LRRFIP2: variants seen among roughly 807,000 people sequenced by gnomAD.
The protein encoded by LRRFIP2 is LRR binding FLII interacting protein 2.
A neutral mutation model predicts 125.9 loss-of-function variants in LRRFIP2; 109 were observed. That is an observed-to-expected ratio of 0.87 (90% CI 0.74 to 1.01). The LOEUF (loss-of-function observed/expected upper bound fraction) is 1.01. LRRFIP2 is among the 50% of genes least tolerant of loss of function. LRRFIP2 has a pLI of 0.00. For synonymous variants in LRRFIP2, 291 were observed against 293.1 expected (o/e 0.99, Z 0.07); for missense variants, 850 against 862.3 (o/e 0.99, Z 0.18).
intron 19 of LRRFIP2, among the ~76,000 whole-genome samples, chr3:37,078,528 A>T (rs1559738402): frequency 6.6e-6 from 1 of 152,220 alleles, no homozygotes; most frequent in Non-Finnish European, 1.5e-5. Flanking sequence ...ATACAGATGT[A>T]AGACAGAAGA....
At chr3:37,132,868 T>C (rs966543569) in intron 2 of LRRFIP2, among the ~76,000 whole-genome samples, 4 of 152,228 alleles carry the variant, frequency 2.6e-5, no homozygotes, top group Non-Finnish European at 5.9e-5. Context: ...CATTTTAATA[T>C]ACACCTCATA....
intron 2 of LRRFIP2, among the ~76,000 whole-genome samples, chr3:37,145,049 T>C (rs2095822233): frequency 6.6e-6 from 1 of 152,218 alleles, no homozygotes; most frequent in Admixed American, 6.5e-5. Context: ...TGCCATGGTT[T>C]CCAAATTAAC....
At chr3:37,099,472 A>C (rs1021055476) in intron 15 of LRRFIP2, among the ~76,000 whole-genome samples, 4 of 152,196 alleles carry the variant, frequency 2.6e-5, no homozygotes, top group Non-Finnish European at 5.9e-5. Flanking sequence ...TAGTTTCTTC[A>C]ATGCAGTCAT....
rs115815695 is a variant in LRRFIP2, at chr3:37,058,694, A to G, written c.1870+96T>C. 9.6e-4 allele frequency: 1,250 copies of G among 1,308,716 alleles called. 8 individuals carry two copies. The African/African-American group carries it at 0.016, about 17-fold the overall frequency. 81.1% of individuals were successfully genotyped at this position (1,308,716 alleles called of 1,614,324 possible). A position where few individuals can be genotyped will look rare whatever the true frequency, so the allele number is the denominator to read the frequency against. ...CCATCTCAAAAAAAAAAAAAAAAGA[A>G]AAGTGTATTACAAGATACCAGCAAC... is the stretch of plus-strand genomic sequence containing the variant. On this transcript the variant is annotated intron_variant, in intron 25 of 27. Coordinates refer to ENST00000336686, the MANE Select transcript of LRRFIP2 (RefSeq NM_006309.4).
chr3:37,054,592 A>G, intron 26 of LRRFIP2, 77 bp from the exon 27 acceptor site: 3 of 937,144 alleles, frequency 3.2e-6, no homozygotes, highest in Non-Finnish European at 5.1e-6. Flanking sequence ...ATGGAAATAC[A>G]ATGTCATTAT....
chr3:37,101,051 T>C (rs180833145), intron 15 of LRRFIP2, among the ~76,000 whole-genome samples: 23 of 152,304 alleles, frequency 1.5e-4, no homozygotes, highest in Admixed American at 1.4e-3. Context: ...AAAACTACTG[T>C]CTAACGTTTC....
At chr3:37,062,484 G>A (rs1267470681) in intron 24 of LRRFIP2, among the ~76,000 whole-genome samples, 1 of 152,104 alleles carries the variant, frequency 6.6e-6, no homozygotes, top group Admixed American at 6.5e-5. Flanking sequence ...ATTGACAGGG[G>A]CCCAGCATCA....
intron 2 of LRRFIP2, among the ~76,000 whole-genome samples, chr3:37,132,317 C>G (rs1161632304): frequency 6.6e-6 from 1 of 152,152 alleles, no homozygotes; most frequent in East Asian, 1.9e-4. Flanking sequence ...AAATTTAATT[C>G]AAGAATGCTA....
intron 2 of LRRFIP2, chr3:37,134,728 G>T (rs1329634186): frequency 2.6e-6 from 2 of 782,078 alleles, no homozygotes; most frequent in Non-Finnish European, 4.5e-6. Flanking sequence ...TGTTCTGCAG[G>T]TCCAGTTGAG....
chr3:37,101,973 T>C (rs1454423971), intron 15 of LRRFIP2, among the ~76,000 whole-genome samples: 1 of 152,198 alleles, frequency 6.6e-6, no homozygotes, highest in East Asian at 1.9e-4. Context: ...TTCAGAACAA[T>C]GCCATAATCC....
chr3:37,156,274 GTT>G (rs2096188476), intron 1 of LRRFIP2, among the ~76,000 whole-genome samples: 1 of 152,082 alleles, frequency 6.6e-6, no homozygotes, highest in Non-Finnish European at 1.5e-5. Flanking sequence ...GAGCCCAGGA[GTT>G]TGAGACCAGC....
chr3:37,094,411 A>C (rs2093622222), intron 17 of LRRFIP2, among the ~76,000 whole-genome samples: 1 of 152,216 alleles, frequency 6.6e-6, no homozygotes, highest in South Asian at 2.1e-4. Context: ...AAGCAGCTGA[A>C]TACCATCAAG....
At chr3:37,145,789 A>G (rs1272032868) in intron 2 of LRRFIP2, among the ~76,000 whole-genome samples, 1 of 152,224 alleles carries the variant, frequency 6.6e-6, no homozygotes, top group East Asian at 1.9e-4. Context: ...AATCTGGCAT[A>G]GTAAGAGGTT....
At chr3:37,132,277 A>G (rs1474259003) in intron 2 of LRRFIP2, among the ~76,000 whole-genome samples, 8 of 123,534 alleles carry the variant, frequency 6.5e-5, no homozygotes, top group African/African-American at 2.3e-4. Context: ...ATTTACATGT[A>G]TATTAAATTG....
At chr3:37,164,434 A>G (rs1364819005) in intron 1 of LRRFIP2, among the ~76,000 whole-genome samples, 5 of 152,198 alleles carry the variant, frequency 3.3e-5, no homozygotes, top group Non-Finnish European at 5.9e-5. Flanking sequence ...ATTGGTTAAT[A>G]TGGCAGGGCA....
At chr3:37,115,146 T>C (rs1264094160) in intron 6 of LRRFIP2, 51 bp from the exon 7 acceptor site, 3 of 1,302,986 alleles carry the variant, frequency 2.3e-6, no homozygotes, top group Non-Finnish European at 3.3e-6. Context: ...TTCAGAAATA[T>C]AAAGAAGAGA....
chr3:37,107,266 C>T (rs1439986182), intron 13 of LRRFIP2, among the ~76,000 whole-genome samples: 3 of 151,968 alleles, frequency 2.0e-5, no homozygotes, highest in Non-Finnish European at 4.4e-5. Context: ...AAAGAATGTG[C>T]TAATATGAAA....
At chr3:37,055,054 T>C (rs1244796311) in intron 26 of LRRFIP2, 32 bp downstream of exon 26, 1 of 1,437,742 alleles carries the variant, frequency 7.0e-7, no homozygotes, top group Admixed American at 1.9e-5. Flanking sequence ...GAAGGACATT[T>C]AAATAACTTA....
chr3:37,148,750 T>G, intron 2 of LRRFIP2, 144 bp downstream of exon 2: 1 of 730,050 alleles, frequency 1.4e-6, no homozygotes, highest in Non-Finnish European at 2.2e-6. Flanking sequence ...TCTAACACAC[T>G]ATTTTAGAGA....
Sources: gnomAD v4.1 joint callset for allele counts (sites outside exome capture counted in the v4.1 genomes callset) on GRCh38, gnomAD v4.1.1 for gene constraint, MANE v1.5 for transcripts, NCBI Gene and HGNC (gene_info 2026-07-23, HGNC 2026-07-21) for gene names.